Variants in EXOC4 observed in about 807,000 individuals in gnomAD.
EXOC4 encodes SEC8-like 1.
EXOC4 carries 71 observed loss-of-function variants against 107.2 expected under a neutral mutation model. The ratio of observed to expected loss-of-function variants is 0.66; its 90% CI spans 0.55 to 0.81. The LOEUF (loss-of-function observed/expected upper bound fraction) is 0.81, where lower values mean the gene tolerates loss of function less well. EXOC4 is among the 30% of genes least tolerant of loss of function. The pLI is 0.00. For synonymous variants in EXOC4, 456 were observed against 441.2 expected, an observed-to-expected ratio of 1.03 and a Z score of -0.42; for missense variants, 1,108 against 1,189.6, an observed-to-expected ratio of 0.93 and a Z score of 1.01.
At chr7:133,922,632 G>C (rs1202901457) in intron 13 of EXOC4, among the ~76,000 whole-genome samples, 1 of 152,110 alleles carries the variant, frequency 6.6e-6, no homozygotes, top group African/African-American at 2.4e-5. Context: ...TGGATCACGA[G>C]GTCAGGAGAT....
chr7:133,666,834 T>C (rs1793825197), intron 10 of EXOC4, among the ~76,000 whole-genome samples: 1 of 152,202 alleles, frequency 6.6e-6, no homozygotes. Context: ...AAAGATTTTT[T>C]CCTTCTTCAA....
intron 7 of EXOC4, among the ~76,000 whole-genome samples, chr7:133,378,260 C>T (rs904266328): frequency 4.7e-5 from 7 of 147,614 alleles, no homozygotes; most frequent in Admixed American, 1.4e-4. Flanking sequence ...TAGTGAGCTG[C>T]GATCGCGCCA....
intron 14 of EXOC4, among the ~76,000 whole-genome samples, chr7:133,982,161 G>C (rs1454100924): frequency 6.6e-6 from 1 of 152,118 alleles, no homozygotes; most frequent in Non-Finnish European, 1.5e-5. Context: ...CCTATGCCTG[G>C]GTGACAAGAT....
At chr7:133,591,642 A>AT (rs1801549806) in intron 9 of EXOC4, among the ~76,000 whole-genome samples, 1 of 151,532 alleles carries the variant, frequency 6.6e-6, no homozygotes, top group Non-Finnish European at 1.5e-5. Flanking sequence ...CACTCTGTAT[A>AT]TTTTTTGTAA....
At chr7:133,425,947 G>A (rs1797716427) in intron 7 of EXOC4, among the ~76,000 whole-genome samples, 1 of 152,196 alleles carries the variant, frequency 6.6e-6, no homozygotes, top group Non-Finnish European at 1.5e-5. Flanking sequence ...TTTCCTAAAT[G>A]TATTTGATTG....
At chr7:133,654,737 G>A (rs1803246267) in intron 10 of EXOC4, among the ~76,000 whole-genome samples, 2 of 151,986 alleles carry the variant, frequency 1.3e-5, no homozygotes, top group South Asian at 4.1e-4. Flanking sequence ...TGAGAAATGC[G>A]CCATTAGGTG....
At chr7:134,068,595 G>A (rs770757148), downstream of EXOC4, among the ~76,000 whole-genome samples, 1 of 152,164 alleles carries the variant, frequency 6.6e-6, no homozygotes, top group Non-Finnish European at 1.5e-5. Context: ...TATAGGGGCT[G>A]TATCTTGCCC....
intron 7 of EXOC4, among the ~76,000 whole-genome samples, chr7:133,378,881 A>AATCGAT (rs1054325942): frequency 6.6e-6 from 1 of 152,144 alleles, no homozygotes; most frequent in African/African-American, 2.4e-5. Flanking sequence ...CATATCAATA[A>AATCGAT]TTACATTAGA....
chr7:133,317,294 A>T lies in EXOC4; in HGVS notation c.667A>T (p.Lys223Ter). ...KEKGKISSLV[K>*]DASVPLIDVT... ...TCTTTTCCCGTTCAGCTCCCTCGTG[A>T]AAGATGCTTCTGTTCCTCTGATTGA... The change falls in exon 5 of 18, where the codon AAA (lysine) becomes TAA (stop). Residue 223 changes from lysine (K) to a stop codon, truncating the protein, a stop_gained. Coordinates refer to ENST00000253861, the MANE Select transcript of EXOC4 (RefSeq NM_021807.4). LOFTEE classifies it high-confidence loss of function. 2 of 1,612,832 alleles carry T rather than the reference A, an allele frequency of 1.2e-6. No individual in the cohort carries two copies. Among genetic ancestry groups the T allele is most frequent in the East Asian group, 4.5e-5 (2 of 44,866 alleles).
chr7:133,462,693 C>T (rs1798622890), intron 7 of EXOC4, among the ~76,000 whole-genome samples: 1 of 151,958 alleles, frequency 6.6e-6, no homozygotes, highest in African/African-American at 2.4e-5. Context: ...TATATTTTTC[C>T]CTGGTACCTG....
chr7:133,792,957 C>T (rs919079363), intron 10 of EXOC4, among the ~76,000 whole-genome samples: 1 of 152,104 alleles, frequency 6.6e-6, no homozygotes, highest in African/African-American at 2.4e-5. Context: ...GGCTGCTCTC[C>T]TTACCTTCAG....
chr7:134,054,857 C>A (rs2116600025), intron 17 of EXOC4, among the ~76,000 whole-genome samples: 1 of 152,292 alleles, frequency 6.6e-6, no homozygotes, highest in Non-Finnish European at 1.5e-5. Flanking sequence ...GTATTTGGGT[C>A]TTTAATTAAA....
chr7:134,004,765 A>G lies in EXOC4; in HGVS notation c.2349-147A>G, dbSNP rs1041950166. 3 of 622,232 alleles carry G rather than the reference A, an allele frequency of 4.8e-6. No homozygotes were observed. The South Asian group carries it at 7.6e-5, about 16-fold the overall frequency. 38.5% of individuals were successfully genotyped at this position (622,232 alleles called of 1,614,324 possible). A position where few individuals can be genotyped will look rare whatever the true frequency, so the allele number is the denominator to read the frequency against. Reference sequence around the variant, plus strand: ...GTAGAGCATAGTGTCTGGCACAAATAGGGTACACAGTAAGTGTTGGCTATC... The same window carrying G: ...GTAGAGCATAGTGTCTGGCACAAATGGGGTACACAGTAAGTGTTGGCTATC... On this transcript the variant is annotated intron_variant, in intron 15 of 17. Coordinates refer to ENST00000253861, the MANE Select transcript of EXOC4 (RefSeq NM_021807.4).
At chr7:133,818,380 G>A (rs1797426441) in intron 11 of EXOC4, among the ~76,000 whole-genome samples, 1 of 152,172 alleles carries the variant, frequency 6.6e-6, no homozygotes, top group Non-Finnish European at 1.5e-5. Context: ...AAGAGAAGTT[G>A]TATATATGGA....
chr7:133,390,577 C>T (rs977261197), intron 7 of EXOC4, among the ~76,000 whole-genome samples: 2 of 152,060 alleles, frequency 1.3e-5, no homozygotes, highest in African/African-American at 4.8e-5. Context: ...GATAGACTTG[C>T]CTTAGTGTCT....
At chr7:133,885,946 G>A (rs1799076840) in intron 11 of EXOC4, among the ~76,000 whole-genome samples, 2 of 152,124 alleles carry the variant, frequency 1.3e-5, no homozygotes, top group South Asian at 4.2e-4. Context: ...GAACTGAAGA[G>A]GCTTGGTGCT....
chr7:133,900,401 A>G (rs1479948185), intron 12 of EXOC4, among the ~76,000 whole-genome samples: 1 of 152,190 alleles, frequency 6.6e-6, no homozygotes, highest in Admixed American at 6.5e-5. Context: ...AGTGAAGAGG[A>G]ATTAGACATA....
chr7:134,033,807 T>C (rs2116489004), intron 17 of EXOC4, among the ~76,000 whole-genome samples: 1 of 152,206 alleles, frequency 6.6e-6, no homozygotes, highest in East Asian at 1.9e-4. Context: ...TAAAAAAAAG[T>C]CAGCTGGTAT....
chr7:134,083,435 T>C, the EXOC4 span, among the ~76,000 whole-genome samples: 5 of 152,346 alleles, frequency 3.3e-5, no homozygotes, highest in Admixed American at 2.0e-4. Flanking sequence ...AAAACAGTTA[T>C]TCTATCTCAT....
Sources: gnomAD v4.1 joint callset for allele counts (sites outside exome capture counted in the v4.1 genomes callset) on GRCh38, gnomAD v4.1.1 for gene constraint, MANE v1.5 for transcripts, NCBI Gene and HGNC (gene_info 2026-07-23, HGNC 2026-07-21) for gene names.